The following TAFA1 variants were observed in gnomAD, a reference collection of about 807,000 sequenced individuals.
TAFA1 encodes the protein TAFA chemokine like family member 1.
In TAFA1, 4 loss-of-function variants were observed where a neutral mutation model predicts 18.5. The observed-to-expected ratio is 0.22, with a 90% CI of 0.11 to 0.49. The LOEUF is 0.49. Among genes scored for constraint, TAFA1 ranks in the 20% least tolerant of loss-of-function variants. TAFA1 has a pLI of 0.98. For synonymous variants in TAFA1, 56 were observed against 55.2 expected, an observed-to-expected ratio of 1.01 and a Z score of -0.06; for missense variants, 147 against 169.0, an observed-to-expected ratio of 0.87 and a Z score of 0.72.
At chr3:68,398,499 C>G (rs1436998480) in intron 2 of TAFA1, among the ~76,000 whole-genome samples, 1 of 152,150 alleles carries the variant, frequency 6.6e-6, no homozygotes, top group East Asian at 1.9e-4. Context: ...CAAATACTGT[C>G]TGGAGCTAGC....
intron 2 of TAFA1, among the ~76,000 whole-genome samples, chr3:68,058,668 T>C (rs981287091): frequency 6.6e-6 from 1 of 152,236 alleles, no homozygotes; most frequent in Non-Finnish European, 1.5e-5. Context: ...CTTAAAACGA[T>C]ACACAAAGCC....
chr3:68,308,964 C>T (rs1207238280), intron 2 of TAFA1, among the ~76,000 whole-genome samples: 2 of 152,240 alleles, frequency 1.3e-5, no homozygotes, highest in Middle Eastern at 3.4e-3. Context: ...AGTATGTTAC[C>T]GTTATACCAG....
chr3:68,509,870 C>A (rs2072819694), intron 3 of TAFA1, among the ~76,000 whole-genome samples: 1 of 152,062 alleles, frequency 6.6e-6, no homozygotes, highest in African/African-American at 2.4e-5. Flanking sequence ...TGAAAAGGGG[C>A]TGAAGGGAAC....
intron 3 of TAFA1, among the ~76,000 whole-genome samples, chr3:68,494,663 A>G (rs1220570998): frequency 2.0e-5 from 3 of 152,188 alleles, no homozygotes; most frequent in South Asian, 2.1e-4. Flanking sequence ...TTAATTCCTA[A>G]TGATACCTCA....
At chr3:68,342,045 C>G (rs1325496167) in intron 2 of TAFA1, among the ~76,000 whole-genome samples, 1 of 152,078 alleles carries the variant, frequency 6.6e-6, no homozygotes, top group East Asian at 1.9e-4. Context: ...ACCATCTTCC[C>G]CTTAAAGCTA....
chr3:68,093,511 T>A (rs1026887671), intron 2 of TAFA1, among the ~76,000 whole-genome samples: 2 of 152,098 alleles, frequency 1.3e-5, no homozygotes, highest in Non-Finnish European at 2.9e-5. Context: ...AACTTTTAGA[T>A]CTTTCTTATA....
chr3:68,311,414 C>G (rs775057199), intron 2 of TAFA1, among the ~76,000 whole-genome samples: 1 of 152,222 alleles, frequency 6.6e-6, no homozygotes, highest in Non-Finnish European at 1.5e-5. Context: ...CAAGCCAACT[C>G]CCTTCCACCT....
At chr3:68,057,120 G>A (rs1371705847) in intron 2 of TAFA1, among the ~76,000 whole-genome samples, 2 of 152,196 alleles carry the variant, frequency 1.3e-5, no homozygotes, top group African/African-American at 2.4e-5. Context: ...TGAGGGCAGA[G>A]CATCCTCTCC....
chr3:68,263,013 AC>A (rs1169821640), intron 2 of TAFA1, among the ~76,000 whole-genome samples: 1 of 152,170 alleles, frequency 6.6e-6, no homozygotes, highest in Non-Finnish European at 1.5e-5. Flanking sequence ...AAGGACAGTC[AC>A]CCCTGATAGA....
At position 68,421,653 on chromosome 3, in the gene TAFA1, T is replaced by A. The variant is rs372027353; in HGVS notation, c.259+4233T>A. ...TTCCTAAGCTCAGTTTGCTCATCTG[T>A]AAAATAGGGATTATAGACATTTCTA... On this transcript the variant is annotated intron_variant, in intron 3 of 4. Transcript: ENST00000478136. 7.3e-4 allele frequency among the ~76,000 whole-genome samples: 111 copies of A among 152,226 alleles called. No individual in the cohort carries two copies. In the Middle Eastern group the frequency reaches 0.014, roughly 19 times the overall value.
chr3:68,013,344 A>G (rs1020485293), intron 2 of TAFA1, among the ~76,000 whole-genome samples: 15 of 152,152 alleles, frequency 9.9e-5, no homozygotes, highest in African/African-American at 3.4e-4. Flanking sequence ...TTATTTTGTC[A>G]GTATAACATA....
intron 2 of TAFA1, among the ~76,000 whole-genome samples, chr3:68,049,654 A>C (rs946241362): frequency 6.6e-6 from 1 of 151,764 alleles, no homozygotes; most frequent in Non-Finnish European, 1.5e-5. Context: ...GAGCACAAGC[A>C]AAGGAGGTGT....
chr3:68,304,620 G>A (rs1287390799), intron 2 of TAFA1, among the ~76,000 whole-genome samples: 4 of 152,088 alleles, frequency 2.6e-5, no homozygotes, highest in Non-Finnish European at 4.4e-5. Context: ...CTTTACCATT[G>A]TTTCAGACTA....
At chr3:68,401,546 A>T (rs909121379) in intron 2 of TAFA1, among the ~76,000 whole-genome samples, 1 of 152,210 alleles carries the variant, frequency 6.6e-6, no homozygotes, top group Admixed American at 6.6e-5. Context: ...GGTTGACTCC[A>T]TTCTCCTACA....
At chr3:68,209,797 A>G (rs939816841) in intron 2 of TAFA1, among the ~76,000 whole-genome samples, 1 of 152,040 alleles carries the variant, frequency 6.6e-6, no homozygotes, top group Non-Finnish European at 1.5e-5. Flanking sequence ...TTTGTAATAC[A>G]AATACAGCTA....
intron 2 of TAFA1, among the ~76,000 whole-genome samples, chr3:68,136,288 G>A (rs950261962): frequency 1.3e-5 from 2 of 152,086 alleles, no homozygotes; most frequent in Non-Finnish European, 2.9e-5. Flanking sequence ...AGGAGAAAAG[G>A]CTTTCAACAA....
chr3:68,196,192 T>C (rs1453700014), intron 2 of TAFA1, among the ~76,000 whole-genome samples: 3 of 151,780 alleles, frequency 2.0e-5, no homozygotes, highest in Non-Finnish European at 4.4e-5. Context: ...CTTGACTTTC[T>C]TCTGTTCACG....
At chr3:68,412,375 T>C (rs2070734804) in intron 2 of TAFA1, among the ~76,000 whole-genome samples, 1 of 151,932 alleles carries the variant, frequency 6.6e-6, no homozygotes, top group South Asian at 2.1e-4. Context: ...GGATATATAT[T>C]CTTTTATTAT....
intron 3 of TAFA1, among the ~76,000 whole-genome samples, chr3:68,457,591 T>A (rs2071688878): frequency 6.6e-6 from 1 of 152,206 alleles, no homozygotes; most frequent in Non-Finnish European, 1.5e-5. Flanking sequence ...ATAAACATTG[T>A]GAATGTCTAA....
Sources: allele counts gnomAD v4.1 joint callset (sites outside exome capture counted in the v4.1 genomes callset), GRCh38; gene constraint gnomAD v4.1.1; transcripts MANE v1.5; gene names NCBI Gene and HGNC (gene_info 2026-07-23, HGNC 2026-07-21).